Variants in PARD3 observed in about 807,000 individuals in gnomAD.
PARD3 encodes partitioning defective 3 homolog.
A neutral mutation model predicts 155.4 loss-of-function variants in PARD3; 75 were observed. The ratio of observed to expected loss-of-function variants is 0.48; its 90% CI spans 0.40 to 0.58. The LOEUF (loss-of-function observed/expected upper bound fraction) is 0.58. Ranked by LOEUF, PARD3 falls within the 20% of genes least tolerant of loss-of-function variation. The pLI is 0.00. For synonymous variants in PARD3, 576 were observed against 610.5 expected, an observed-to-expected ratio of 0.94 and a Z score of 0.83; for missense variants, 1,642 against 1,721.7, an observed-to-expected ratio of 0.95 and a Z score of 0.82.
At chr10:34,187,830 G>A (rs1451434820) in intron 22 of PARD3, among the ~76,000 whole-genome samples, 1 of 152,146 alleles carries the variant, frequency 6.6e-6, no homozygotes, top group Non-Finnish European at 1.5e-5. Flanking sequence ...TGATTTTAAG[G>A]TATTCCACTA....
intron 2 of PARD3, among the ~76,000 whole-genome samples, chr10:34,667,119 G>T (rs1344798661): frequency 1.3e-5 from 2 of 152,098 alleles, no homozygotes; most frequent in African/African-American, 4.8e-5. Context: ...AGTGAGCTGA[G>T]ATGACACCAC....
intron 2 of PARD3, among the ~76,000 whole-genome samples, chr10:34,674,372 C>T (rs764264475): frequency 5.3e-5 from 8 of 152,122 alleles, no homozygotes; most frequent in Non-Finnish European, 5.9e-5. Flanking sequence ...AGCTGCCACC[C>T]TGCGCTCACT....
At chr10:34,294,372 G>C (rs927300599) in intron 20 of PARD3, among the ~76,000 whole-genome samples, 3 of 152,170 alleles carry the variant, frequency 2.0e-5, no homozygotes, top group Non-Finnish European at 4.4e-5. Context: ...TAGAGCAGAC[G>C]AAAGTCACAA....
intron 3 of PARD3, among the ~76,000 whole-genome samples, chr10:34,493,624 C>G (rs999691334): frequency 1.3e-5 from 2 of 151,562 alleles, no homozygotes; most frequent in African/African-American, 4.9e-5. Context: ...TCCAGCTACT[C>G]GGGAGGCTGA....
chr10:34,312,200 G>C, intron 20 of PARD3: 1 of 1,400,974 alleles, frequency 7.1e-7, no homozygotes, highest in Admixed American at 2.2e-5. Context: ...GATTAATAAG[G>C]AAATTACTAA....
intron 3 of PARD3, among the ~76,000 whole-genome samples, chr10:34,501,939 T>C (rs2133436509): frequency 6.6e-6 from 1 of 152,264 alleles, no homozygotes; most frequent in Middle Eastern, 3.4e-3. Flanking sequence ...GGAAGCTGTG[T>C]CCTCATGACT....
intron 2 of PARD3, among the ~76,000 whole-genome samples, chr10:34,640,300 C>T (rs1469666587): frequency 6.6e-6 from 1 of 152,170 alleles, no homozygotes; most frequent in Non-Finnish European, 1.5e-5. Flanking sequence ...GAAGCTGGAA[C>T]TGAAAATCAT....
In PARD3 at chr10:34,360,183, T is replaced by C. The variant is rs1192598021; in HGVS notation, c.1784A>G (p.Asp595Gly). 1 of 1,613,876 alleles carries C rather than the reference T, an allele frequency of 6.2e-7. No homozygotes were observed. Reference protein sequence around the residue: ...EFLTFEVPLNDSGSAGLGVSV... With the variant: ...EFLTFEVPLNGSGSAGLGVSV... Reference sequence around the variant, plus strand: ...GACACCAAGGCCTGCAGATCCTGAATCATTAAGTGGGACTTCAAATGTCAG... The same window carrying C: ...GACACCAAGGCCTGCAGATCCTGAACCATTAAGTGGGACTTCAAATGTCAG... Residue 595 changes from aspartate to glycine, a missense_variant, in exon 13 of 25, where the codon GAT becomes GGT. By Grantham distance (94) the Asp-to-Gly change is moderately conservative. Around this residue, in one of 3 missense-constraint regions of PARD3, gnomAD observed 1,529 missense variants for 1,587.3 expected, o/e 0.96. Transcript: ENST00000374788.
At chr10:34,496,521 T>C (rs1421069835) in intron 3 of PARD3, among the ~76,000 whole-genome samples, 1 of 152,148 alleles carries the variant, frequency 6.6e-6, no homozygotes, top group Non-Finnish European at 1.5e-5. Context: ...TTATTACAAA[T>C]TGAAATCGGA....
intron 1 of PARD3, among the ~76,000 whole-genome samples, chr10:34,707,754 G>C (rs1207704831): frequency 2.6e-5 from 4 of 152,164 alleles, no homozygotes; most frequent in Non-Finnish European, 4.4e-5. Context: ...AGTGTTCACT[G>C]TCAGAGTCCT....
chr10:34,791,041 A>G (rs1397614085), intron 1 of PARD3, among the ~76,000 whole-genome samples: 1 of 152,232 alleles, frequency 6.6e-6, no homozygotes, highest in East Asian at 1.9e-4. Flanking sequence ...TCACTTGGAA[A>G]AAAAGACAAG....
chr10:34,550,855 T>A (rs1442777022), intron 2 of PARD3, among the ~76,000 whole-genome samples: 1 of 152,222 alleles, frequency 6.6e-6, no homozygotes, highest in Non-Finnish European at 1.5e-5. Flanking sequence ...CACCTATGCA[T>A]TATTTTAAAA....
intron 12 of PARD3, among the ~76,000 whole-genome samples, chr10:34,367,243 A>C (rs1284896171): frequency 2.0e-5 from 3 of 152,226 alleles, no homozygotes; most frequent in Non-Finnish European, 4.4e-5. Context: ...GAGCCATGAG[A>C]ACTTACTGCC....
intron 2 of PARD3, among the ~76,000 whole-genome samples, chr10:34,624,362 G>A (rs1028536945): frequency 4.6e-5 from 7 of 152,024 alleles, no homozygotes; most frequent in African/African-American, 1.7e-4. Context: ...AGAAAACTAG[G>A]TAAAAAAAAC....
chr10:34,606,595 G>A (rs2090459217), intron 2 of PARD3, among the ~76,000 whole-genome samples: 2 of 140,794 alleles, frequency 1.4e-5, no homozygotes, highest in Admixed American at 7.7e-5. Context: ...GAGGCCAGGA[G>A]TTCAAGACCA....
At chr10:34,620,599 C>T (rs916671132) in intron 2 of PARD3, among the ~76,000 whole-genome samples, 2 of 152,164 alleles carry the variant, frequency 1.3e-5, no homozygotes, top group Non-Finnish European at 2.9e-5. Context: ...TTACATCAAC[C>T]TTGAAATCCA....
In PARD3 at chr10:34,360,147, C is replaced by T. The variant is rs1839305564; in HGVS notation, c.1820G>A (p.Gly607Asp). ...GSAGLGVSVK[G>D]NRSKENHADL... ...TGCGTGGTTCTCTTTTGACCGGTTA[C>T]CTTTGACACTGACACCAAGGCCTGC... The change falls in exon 13 of 25, where the codon GGT becomes GAT. Residue 607 changes from glycine (G) to aspartate (D), a missense_variant. Around this residue, in one of 3 missense-constraint regions of PARD3, gnomAD observed 1,529 missense variants for 1,587.3 expected, o/e 0.96. Coordinates refer to ENST00000374788, the MANE Select transcript of PARD3 (RefSeq NM_001184785.2). 6.2e-7 allele frequency: 1 copy of T among 1,614,044 alleles called. No homozygotes were observed. Among genetic ancestry groups the T allele is most frequent in the Non-Finnish European group, 8.5e-7 (1 of 1,179,928 alleles).
intron 2 of PARD3, among the ~76,000 whole-genome samples, chr10:34,608,082 G>A (rs984898973): frequency 6.6e-6 from 1 of 152,124 alleles, no homozygotes; most frequent in Non-Finnish European, 1.5e-5. Context: ...CACTCCTCTT[G>A]CTGGCTGCTC....
intron 1 of PARD3, among the ~76,000 whole-genome samples, chr10:34,772,617 C>T (rs189328966): frequency 1.9e-4 from 29 of 151,336 alleles, no homozygotes; most frequent in Middle Eastern, 3.4e-3. Flanking sequence ...CATAGAGAAA[C>T]CCTGTCTCTA....
Sources: allele counts gnomAD v4.1 joint callset (sites outside exome capture counted in the v4.1 genomes callset), GRCh38; gene constraint gnomAD v4.1.1; regional missense constraint gnomAD v4.1.1; transcripts MANE v1.5; gene names NCBI Gene and HGNC (gene_info 2026-07-23, HGNC 2026-07-21).